The following ATP2C1 variants were observed in gnomAD, a reference collection of about 807,000 sequenced individuals.
ATP2C1 encodes calcium-transporting ATPase type 2C member 1.
ATP2C1 carries 31 observed loss-of-function variants against 120.5 expected under a neutral mutation model. The observed-to-expected ratio is 0.26, with a 90% CI of 0.19 to 0.35. ATP2C1 has a LOEUF of 0.35. Ranked by LOEUF, ATP2C1 falls within the 10% of genes least tolerant of loss-of-function variation. ATP2C1 has a pLI of 1.00. For missense variants in ATP2C1, 731 were observed against 1,107.5 expected, an observed-to-expected ratio of 0.66 and a Z score of 4.83; for synonymous variants, 351 against 358.7, an observed-to-expected ratio of 0.98 and a Z score of 0.24.
At chr3:130,915,981 C>T (rs2058670738) in intron 2 of ATP2C1, among the ~76,000 whole-genome samples, 1 of 152,160 alleles carries the variant, frequency 6.6e-6, no homozygotes, top group Non-Finnish European at 1.5e-5. Context: ...TGAAGGGCAG[C>T]ATTACTGGGA....
intron 19 of ATP2C1, 97 bp downstream of exon 19, chr3:130,979,516 ATAT>A (rs1302227828): frequency 2.3e-6 from 3 of 1,293,480 alleles, no homozygotes; most frequent in Non-Finnish European, 2.2e-6. Context: ...TGTTTATGTA[ATAT>A]TGAGATTATG....
rs576352819 is a variant in ATP2C1, at chr3:131,001,504, C to A, written c.*154C>A. ...GTTAAAGACTTAAGACTTTAACCTGCTGGCAGTCCCAAATGAAATTATGCA... is the reference window on the plus strand; with the variant it reads ...GTTAAAGACTTAAGACTTTAACCTGATGGCAGTCCCAAATGAAATTATGCA... On this transcript the variant is annotated 3_prime_UTR_variant, in exon 28 of 28. Transcript: ENST00000510168. The A allele has an allele frequency of 1.5e-6, 2 of 1,319,960 alleles. No individual in the cohort carries two copies. The highest frequency in any genetic ancestry group is 1.9e-6 in the Non-Finnish European group (2 of 1,033,310). 81.8% of individuals were successfully genotyped at this position (1,319,960 alleles called of 1,614,324 possible). A position where few individuals can be genotyped will look rare whatever the true frequency, so the allele number is the denominator to read the frequency against.
chr3:130,898,529 C>T (rs1318208987), intron 2 of ATP2C1, among the ~76,000 whole-genome samples: 1 of 152,010 alleles, frequency 6.6e-6, no homozygotes, highest in Admixed American at 6.6e-5. Flanking sequence ...AAATGATAGT[C>T]TTAATTAGTA....
At chr3:130,990,882 T>C (rs2062302775) in intron 20 of ATP2C1, among the ~76,000 whole-genome samples, 1 of 152,148 alleles carries the variant, frequency 6.6e-6, no homozygotes, top group Non-Finnish European at 1.5e-5. Context: ...CAACTGCACA[T>C]ATGTACTTTT....
intron 7 of ATP2C1, among the ~76,000 whole-genome samples, chr3:130,941,252 G>C (rs2760276): frequency 2.9e-3 from 419 of 144,338 alleles, no homozygotes; most frequent in African/African-American, 0.01. Flanking sequence ...GTGTGTGTGT[G>C]TGTGTGTGTG....
chr3:130,946,278 G>A (rs761483283), intron 8 of ATP2C1, among the ~76,000 whole-genome samples: 4 of 152,330 alleles, frequency 2.6e-5, no homozygotes, highest in East Asian at 1.9e-4. Flanking sequence ...TTAAGAACAC[G>A]CCAGTGGGCA....
chr3:130,872,902 C>A (rs2068482172), intron 1 of ATP2C1, among the ~76,000 whole-genome samples: 1 of 152,048 alleles, frequency 6.6e-6, no homozygotes, highest in South Asian at 2.1e-4. Flanking sequence ...CTTTTCAACT[C>A]TGAGAAGATA....
chr3:130,866,555 T>C (rs1374693061), intron 1 of ATP2C1, among the ~76,000 whole-genome samples: 1 of 152,224 alleles, frequency 6.6e-6, no homozygotes, highest in Non-Finnish European at 1.5e-5. Flanking sequence ...ACTGGCTTCA[T>C]AGCTAGGATG....
chr3:131,002,821 T>A lies in ATP2C1; in HGVS notation c.*1471T>A, dbSNP rs878906207. 9.1e-6 allele frequency: 9 copies of A among 985,662 alleles called. No homozygotes were observed. Among genetic ancestry groups the A allele is most frequent in the Non-Finnish European group, 1.1e-5 (9 of 829,918 alleles). The allele number at this position is 985,662 out of a possible 1,614,324, so 61.1% of individuals were successfully genotyped here. On this transcript the variant is annotated 3_prime_UTR_variant, in exon 28 of 28. Coordinates refer to ENST00000510168, the MANE Select transcript of ATP2C1 (RefSeq NM_001378687.1). ...GGGAAAATATCTATTCTTTGAGTCATTGTTACTGAGGCAGTTGAGTGTAAG... is the reference window on the plus strand; with the variant it reads ...GGGAAAATATCTATTCTTTGAGTCAATGTTACTGAGGCAGTTGAGTGTAAG...
chr3:130,959,454 A>G, intron 12 of ATP2C1, 113 bp downstream of exon 12: 4 of 681,632 alleles, frequency 5.9e-6, no homozygotes, highest in Non-Finnish European at 1.1e-5. Flanking sequence ...ATAAGAGTAT[A>G]ACATCGCTAC....
chr3:130,898,246 T>C (rs1227297593), intron 2 of ATP2C1, among the ~76,000 whole-genome samples: 3 of 152,182 alleles, frequency 2.0e-5, no homozygotes, highest in African/African-American at 7.2e-5. Flanking sequence ...AGCTAATAGG[T>C]GTAGAGAACA....
intron 8 of ATP2C1, among the ~76,000 whole-genome samples, chr3:130,944,100 T>A (rs2108475589): frequency 6.6e-6 from 1 of 152,358 alleles, no homozygotes; most frequent in Non-Finnish European, 1.5e-5. Context: ...TAGATTTCAC[T>A]TTAGAGAAAG....
intron 20 of ATP2C1, among the ~76,000 whole-genome samples, chr3:130,991,103 A>G (rs2062319122): frequency 6.6e-6 from 1 of 152,148 alleles, no homozygotes; most frequent in South Asian, 2.1e-4. Context: ...CCTCTTATAG[A>G]GAAAGGAACT....
chr3:130,898,065 C>T (rs1200725174), intron 2 of ATP2C1, among the ~76,000 whole-genome samples: 1 of 152,154 alleles, frequency 6.6e-6, no homozygotes, highest in African/African-American at 2.4e-5. Flanking sequence ...ATAGGTTTTC[C>T]TTTCTAGTAA....
chr3:130,864,562 C>A (rs1009410799), intron 1 of ATP2C1, among the ~76,000 whole-genome samples: 1 of 152,188 alleles, frequency 6.6e-6, no homozygotes, highest in Non-Finnish European at 1.5e-5. Context: ...TTCACAGCAG[C>A]CCCTCCCATC....
chr3:130,935,507 T>C (rs561528056), intron 5 of ATP2C1, among the ~76,000 whole-genome samples: 23 of 152,234 alleles, frequency 1.5e-4, no homozygotes, highest in Non-Finnish European at 2.9e-4. Context: ...CACTTATGCT[T>C]AAGAACACTG....
At chr3:130,958,052 G>A (rs75128748) in intron 11 of ATP2C1, among the ~76,000 whole-genome samples, 2,084 of 152,080 alleles carry the variant, frequency 0.014, 44 homozygotes, top group African/African-American at 0.048. Flanking sequence ...TTGATAGATC[G>A]AATGACATTC....
chr3:130,872,099 T>G (rs1222820712), intron 1 of ATP2C1, among the ~76,000 whole-genome samples: 1 of 152,146 alleles, frequency 6.6e-6, no homozygotes, highest in Non-Finnish European at 1.5e-5. Flanking sequence ...CTTATGTTTA[T>G]ATCATCTTCG....
intron 1 of ATP2C1, among the ~76,000 whole-genome samples, chr3:130,872,022 CAAAAA>C (rs11347303): frequency 8.5e-6 from 1 of 117,574 alleles, no homozygotes; most frequent in Non-Finnish European, 1.8e-5. Context: ...AACTCTGTCT[CAAAAA>C]AAAAAAAAAA....
Sources: gnomAD v4.1 joint callset for allele counts (sites outside exome capture counted in the v4.1 genomes callset) on GRCh38, gnomAD v4.1.1 for gene constraint, MANE v1.5 for transcripts, NCBI Gene and HGNC (gene_info 2026-07-23, HGNC 2026-07-21) for gene names.